Variants in ZNF423 observed in about 807,000 individuals in gnomAD.
ZNF423 encodes Ebf-associated zinc finger protein.
ZNF423 carries 12 observed loss-of-function variants against 95.8 expected under a neutral mutation model. The ratio of observed to expected loss-of-function variants is 0.13; its 90% CI spans 0.08 to 0.20. The LOEUF is 0.20. ZNF423 is among the 10% of genes least tolerant of loss of function. ZNF423 has a pLI of 1.00. For synonymous variants in ZNF423, 749 were observed against 711.9 expected, an observed-to-expected ratio of 1.05 and a Z score of -0.83; for missense variants, 1,316 against 1,737.1, an observed-to-expected ratio of 0.76 and a Z score of 4.31.
At chr16:49,632,031 A>T (rs982716811) in intron 4 of ZNF423, among the ~76,000 whole-genome samples, 1 of 152,102 alleles carries the variant, frequency 6.6e-6, no homozygotes, top group African/African-American at 2.4e-5. Flanking sequence ...TCTAACCTTG[A>T]TATCTGTTTA....
chr16:49,723,102 C>A (rs2032914178), intron 3 of ZNF423, among the ~76,000 whole-genome samples: 1 of 151,800 alleles, frequency 6.6e-6, no homozygotes, highest in African/African-American at 2.4e-5. Flanking sequence ...ACTACAGGCA[C>A]CCGCCACCAC....
At position 49,490,584 on chromosome 16, in the gene ZNF423, G is replaced by C. The variant is rs1192779658; in HGVS notation, c.*691C>G. On this transcript the variant is annotated 3_prime_UTR_variant, in exon 8 of 8. Transcript: ENST00000563137. ...CCCCACGCGGCCCTAGGCTGGGGAG[G>C]AGAGAACCAGGCAGCCGGATGCTAA... The C allele has an allele frequency of 2.0e-5, 3 of 152,706 alleles. No individual in the cohort carries two copies. Among genetic ancestry groups the C allele is most frequent in the Non-Finnish European group, 4.4e-5 (3 of 68,216 alleles). 9.5% of individuals were successfully genotyped at this position (152,706 alleles called of 1,614,324 possible).
Position 49,636,557 on chromosome 16 carries a change from G to A in ZNF423, c.2619C>T (p.Asn873=), listed in dbSNP as rs1972716602. 2 of 1,613,828 alleles carry A rather than the reference G, an allele frequency of 1.2e-6. No homozygotes were observed. Among genetic ancestry groups the A allele is most frequent in the African/African-American group, 1.3e-5 (1 of 74,902 alleles). The change falls in exon 4 of 8, where the codon AAC becomes AAT. Residue 873 remains asparagine, a synonymous_variant. Coordinates refer to ENST00000563137, the MANE Select transcript of ZNF423 (RefSeq NM_001379286.1). This position sits in a 1 kb window ranked among gnomAD's most constrained non-coding sequence, Gnocchi z 8.6. ...CCTCATGGCTGTTAGGTGCCTCAGG[G>A]TTCTTAAGCAGCATGCCCTGCAGGT... The part of the protein sequence containing the change: ...PADLQGMLLK[N]PEAPNSHEAS...
intron 5 of ZNF423, among the ~76,000 whole-genome samples, chr16:49,548,842 G>T (rs1969531526): frequency 6.6e-6 from 1 of 152,194 alleles, no homozygotes; most frequent in South Asian, 2.1e-4. Flanking sequence ...CCCCTGGCCA[G>T]AAAGGTGGCC....
chr16:49,765,897 T>TAG, intron 2 of ZNF423, among the ~76,000 whole-genome samples: 1 of 152,128 alleles, frequency 6.6e-6, no homozygotes, highest in East Asian at 1.9e-4. Context: ...AGATAGACAG[T>TAG]AGAATAGTGG....
intron 2 of ZNF423, among the ~76,000 whole-genome samples, chr16:49,735,723 G>A (rs938461711): frequency 6.6e-6 from 1 of 152,144 alleles, no homozygotes; most frequent in Non-Finnish European, 1.5e-5. Context: ...TGGAGAGAGA[G>A]CACATAGGGG....
chr16:49,758,644 A>C (rs2033771539), intron 2 of ZNF423, among the ~76,000 whole-genome samples: 1 of 152,132 alleles, frequency 6.6e-6, no homozygotes, highest in South Asian at 2.1e-4. Flanking sequence ...AGGGAGGCTG[A>C]GATGAGAGGA....
intron 2 of ZNF423, among the ~76,000 whole-genome samples, chr16:49,786,253 G>A (rs17210965): frequency 0.23 from 34,478 of 152,228 alleles, 3,969 homozygotes; most frequent in Non-Finnish European, 0.24. Flanking sequence ...TCGAGGGCAC[G>A]GAAGGAGCAA....
intron 3 of ZNF423, among the ~76,000 whole-genome samples, chr16:49,676,710 G>T (rs895335973): frequency 1.3e-5 from 2 of 152,218 alleles, no homozygotes. Context: ...TGGAGATGGG[G>T]ACAGCTGTGC....
chr16:49,816,837 A>T (rs2034863586), intron 1 of ZNF423, among the ~76,000 whole-genome samples: 1 of 152,138 alleles, frequency 6.6e-6, no homozygotes, highest in Non-Finnish European at 1.5e-5. Context: ...TCTAGAGGAG[A>T]GGCCTAAGCA....
At chr16:49,679,138 C>T (rs2031244142) in intron 3 of ZNF423, among the ~76,000 whole-genome samples, 1 of 152,246 alleles carries the variant, frequency 6.6e-6, no homozygotes, top group Non-Finnish European at 1.5e-5. Flanking sequence ...CACAGGGTCT[C>T]ACTATGTTGC....
chr16:49,575,170 A>G (rs905979498), intron 5 of ZNF423, among the ~76,000 whole-genome samples: 1 of 152,154 alleles, frequency 6.6e-6, no homozygotes, highest in Non-Finnish European at 1.5e-5. Context: ...CACTCAGGAA[A>G]GTGGATATGC....
intron 2 of ZNF423, among the ~76,000 whole-genome samples, chr16:49,761,362 C>T (rs1297760809): frequency 6.6e-6 from 1 of 152,220 alleles, no homozygotes; most frequent in Non-Finnish European, 1.5e-5. Flanking sequence ...AGCCTGCTCC[C>T]ATGCCACGGC....
chr16:49,755,012 C>A (rs752572258), intron 2 of ZNF423, among the ~76,000 whole-genome samples: 1 of 152,208 alleles, frequency 6.6e-6, no homozygotes, highest in East Asian at 1.9e-4. Context: ...TCCGCCGGTG[C>A]GGCTATCTTC....
At chr16:49,824,184 T>C (rs1278877503) in intron 1 of ZNF423, among the ~76,000 whole-genome samples, 2 of 152,180 alleles carry the variant, frequency 1.3e-5, no homozygotes, top group Non-Finnish European at 2.9e-5. Context: ...TTCCCTATCA[T>C]GCTTCTAAGC....
intron 1 of ZNF423, among the ~76,000 whole-genome samples, chr16:49,834,443 A>G (rs935680477): frequency 1.3e-5 from 2 of 152,204 alleles, no homozygotes; most frequent in African/African-American, 2.4e-5. Flanking sequence ...CACACAGATA[A>G]ACAGCAGACA....
chr16:49,607,429 G>A (rs916813066), intron 5 of ZNF423, among the ~76,000 whole-genome samples: 2 of 152,182 alleles, frequency 1.3e-5, no homozygotes, highest in Admixed American at 6.5e-5. Flanking sequence ...TCTTTACTGT[G>A]TATGTTGATG....
intron 3 of ZNF423, among the ~76,000 whole-genome samples, chr16:49,692,739 G>C (rs2151947462): frequency 6.6e-6 from 1 of 152,332 alleles, no homozygotes; most frequent in Middle Eastern, 3.4e-3. Context: ...TAGACAAAAG[G>C]CCACTTTCGA....
rs138148545 is a variant in ZNF423 at position 49,730,820 on chromosome 16, G to A, written c.252C>T (p.Phe84=). 25 of 1,614,068 alleles carry A rather than the reference G, an allele frequency of 1.5e-5. No homozygotes were observed. The highest frequency in any genetic ancestry group is 1.6e-4 in the Middle Eastern group (1 of 6,084). The change falls in exon 3 of 8, where the codon TTC becomes TTT. Residue 84 remains phenylalanine (F), a synonymous_variant. Transcript: ENST00000563137. ...GGTCCGTCAGGTCTGCCAGAGACTCGAAGTCCTGCTGACAGTGATCGCAGG... is the reference window on the plus strand; with the variant it reads ...GGTCCGTCAGGTCTGCCAGAGACTCAAAGTCCTGCTGACAGTGATCGCAGG... ...IYTCDHCQQD[F]ESLADLTDHR...
Sources: allele counts gnomAD v4.1 joint callset (sites outside exome capture counted in the v4.1 genomes callset), GRCh38; gene constraint gnomAD v4.1.1; non-coding constraint Gnocchi (gnomAD v3.1); transcripts MANE v1.5; gene names NCBI Gene and HGNC (gene_info 2026-07-23, HGNC 2026-07-21).